The following NUB1 variants were observed in gnomAD, a reference collection of about 807,000 sequenced individuals.
NUB1 encodes the protein NEDD8 ultimate buster 1.
NUB1 carries 41 observed loss-of-function variants against 77.1 expected under a neutral mutation model. The ratio of observed to expected loss-of-function variants is 0.53; its 90% CI spans 0.41 to 0.69. NUB1 has a LOEUF of 0.69. Ranked by LOEUF, NUB1 falls within the 30% of genes least tolerant of loss-of-function variation. NUB1 has a pLI of 0.00. For missense variants in NUB1, 643 were observed against 743.8 expected (o/e 0.86, Z 1.58); for synonymous variants, 257 against 281.0 (o/e 0.91, Z 0.85).
Position 151,374,173 on chromosome 7 carries a change from TG to T in NUB1, c.1328del (p.Gly443AlafsTer22). 1 of 1,576,410 alleles carries T rather than the reference TG, an allele frequency of 6.3e-7. No individual in the cohort carries two copies. The highest frequency in any genetic ancestry group is 8.6e-7 in the Non-Finnish European group (1 of 1,161,508). ...GAGAACATCAGGTTTCTGAAAGGGATGGGCTACTCCACGCACGCGGCCCAGC... is the reference window on the plus strand; with the variant it reads ...GAGAACATCAGGTTTCTGAAAGGGATGGCTACTCCACGCACGCGGCCCAGC... ...RLENIRFLKG[M>X]GYSTHAAQQV... On this transcript the variant is annotated frameshift_variant, in exon 12 of 15. Coordinates refer to ENST00000568733, the MANE Select transcript of NUB1 (RefSeq NM_001243351.2). LOFTEE classifies it high-confidence loss of function.
intron 4 of NUB1, chr7:151,352,484 C>T (rs1329483454): frequency 6.8e-6 from 2 of 294,898 alleles, no homozygotes; most frequent in South Asian, 3.7e-5. Context: ...TGCTCTGTCA[C>T]CCAAGCTGAA....
chr7:151,362,121 CAG>C (rs1212999785), intron 8 of NUB1, among the ~76,000 whole-genome samples: 15 of 152,150 alleles, frequency 9.9e-5, no homozygotes, highest in Non-Finnish European at 2.2e-4. Context: ...TTTTAGGTCT[CAG>C]GGAACCATTG....
At position 151,349,023 on chromosome 7, in the gene NUB1, T is replaced by G. The variant is rs761056796; in HGVS notation, c.118-50T>G. ...GTCTTTCATGCCCTTTTCTATATTTTGCCTTTTTTTTTTTAAGTCAGTATT... is the reference window on the plus strand; with the variant it reads ...GTCTTTCATGCCCTTTTCTATATTTGGCCTTTTTTTTTTTAAGTCAGTATT... On this transcript the variant is annotated intron_variant, in intron 2 of 14. Coordinates refer to ENST00000568733, the MANE Select transcript of NUB1 (RefSeq NM_001243351.2). 35 of 1,554,012 alleles carry G rather than the reference T, an allele frequency of 2.3e-5. No individual in the cohort carries two copies. In the Admixed American group the frequency reaches 6.9e-4, roughly 31 times the overall value.
intron 8 of NUB1, among the ~76,000 whole-genome samples, chr7:151,364,731 G>A (rs1325749965): frequency 6.6e-6 from 1 of 152,094 alleles, no homozygotes; most frequent in Non-Finnish European, 1.5e-5. Context: ...GGCCAGGCTG[G>A]TCTTGACCCT....
intron 1 of NUB1, among the ~76,000 whole-genome samples, chr7:151,343,712 A>G (rs1796320858): frequency 6.6e-6 from 1 of 152,170 alleles, no homozygotes; most frequent in Non-Finnish European, 1.5e-5. Flanking sequence ...GAGAGAAGTT[A>G]CATACCTGGA....
chr7:151,343,952 C>T (rs1053812199), intron 1 of NUB1, among the ~76,000 whole-genome samples: 7 of 151,886 alleles, frequency 4.6e-5, no homozygotes, highest in South Asian at 2.1e-4. Context: ...GAGGCCGAGG[C>T]GGGCGGATCA....
chr7:151,344,299 A>G (rs1796370157), intron 1 of NUB1, among the ~76,000 whole-genome samples: 1 of 150,680 alleles, frequency 6.6e-6, no homozygotes, highest in Non-Finnish European at 1.5e-5. Flanking sequence ...ATTCTGACAT[A>G]GAAAATATTT....
chr7:151,360,309 C>A, intron 8 of NUB1, 62 bp downstream of exon 8: 1 of 844,500 alleles, frequency 1.2e-6, no homozygotes, highest in Non-Finnish European at 2.0e-6. Context: ...CTATACAGAA[C>A]ACCCTGCCAT....
intron 8 of NUB1, among the ~76,000 whole-genome samples, chr7:151,363,498 A>G (rs1797487023): frequency 6.6e-6 from 1 of 152,082 alleles, no homozygotes; most frequent in South Asian, 2.1e-4. Flanking sequence ...CTGTGGCACA[A>G]TTTCAGGCGG....
chr7:151,376,860 A>C (rs1204973643), intron 14 of NUB1, 49 bp downstream of exon 14: 2 of 1,529,740 alleles, frequency 1.3e-6, no homozygotes, highest in African/African-American at 2.7e-5. Flanking sequence ...GTGTCTTCAG[A>C]AGCCAACAGA....
chr7:151,348,555 TTTTTTGC>T, intron 2 of NUB1, among the ~76,000 whole-genome samples: 3 of 142,968 alleles, frequency 2.1e-5, no homozygotes, highest in Admixed American at 7.5e-5. Context: ...AATGTTTTTG[TTTTTTGC>T]TTTTTGCTTT....
At chr7:151,349,634 G>T (rs1269390590) in intron 3 of NUB1, among the ~76,000 whole-genome samples, 2 of 152,230 alleles carry the variant, frequency 1.3e-5, no homozygotes, top group Non-Finnish European at 2.9e-5. Flanking sequence ...GTGCTCTCAA[G>T]CAGGGCCGAG....
chr7:151,373,292 G>C (rs1244658686), intron 11 of NUB1, among the ~76,000 whole-genome samples: 1 of 152,188 alleles, frequency 6.6e-6, no homozygotes, highest in Non-Finnish European at 1.5e-5. Flanking sequence ...TAAATTCCTG[G>C]TTTTCAAACT....
At chr7:151,351,514 C>T (rs762724175) in intron 4 of NUB1, 32 bp downstream of exon 4, 9 of 1,543,240 alleles carry the variant, frequency 5.8e-6, no homozygotes, top group Middle Eastern at 1.7e-4. Flanking sequence ...GTCCTAGGTG[C>T]TCTGGGCCTT....
chr7:151,375,850 T>A lies in NUB1; in HGVS notation c.1398T>A (p.Ile466=). The A allele has an allele frequency of 1.2e-6, 2 of 1,605,844 alleles. No homozygotes were observed. The highest frequency in any genetic ancestry group is 2.2e-5 in the South Asian group (2 of 90,926). Residue 466 remains isoleucine, a splice_region_variant and synonymous_variant, in exon 13 of 15, where the codon ATT becomes ATA. Transcript: ENST00000568733. The part of the protein sequence containing the change: ...ASGNLDEALK[I]LLSNPQMWWL... ...AAGGGTGTTCCTGTGTGTTTTAGAT[T>A]CTGCTCAGCAATCCTCAGATGTGGT...
chr7:151,376,589 A>G (rs1431188632), intron 13 of NUB1, 45 bp from the exon 14 acceptor site: 2 of 1,536,904 alleles, frequency 1.3e-6, no homozygotes, highest in Non-Finnish European at 1.8e-6. Flanking sequence ...GGGTGGCAGA[A>G]GAGGCGCCAG....
intron 11 of NUB1, among the ~76,000 whole-genome samples, 160 bp from the exon 12 acceptor site, chr7:151,373,937 C>A (rs1011586799): frequency 2.6e-5 from 4 of 152,196 alleles, no homozygotes; most frequent in Non-Finnish European, 5.9e-5. Context: ...GGCACCTCTG[C>A]CATTTGGCTG....
At chr7:151,374,464 C>T (rs1584974694) in intron 12 of NUB1, 12 of 625,542 alleles carry the variant, frequency 1.9e-5, no homozygotes, top group Non-Finnish European at 2.8e-5. Context: ...GGCTCCAAAA[C>T]GTGGTGCCTG....
intron 8 of NUB1, among the ~76,000 whole-genome samples, chr7:151,363,344 T>G (rs1283409056): frequency 1.3e-5 from 2 of 151,090 alleles, no homozygotes; most frequent in Non-Finnish European, 2.9e-5. Context: ...ACATCCAAGA[T>G]GAAAAGTACA....
Sources: allele counts gnomAD v4.1 joint callset (sites outside exome capture counted in the v4.1 genomes callset), GRCh38; gene constraint gnomAD v4.1.1; transcripts MANE v1.5; gene names NCBI Gene and HGNC (gene_info 2026-07-23, HGNC 2026-07-21).